COL26A1: variants seen among roughly 807,000 people sequenced by gnomAD.
COL26A1 encodes the protein collagen type XXVI alpha 1 chain.
Under a neutral mutation model 59.3 loss-of-function variants are expected in COL26A1, and 41 were observed. The observed-to-expected ratio is 0.69, with a 90% CI of 0.54 to 0.90. The LOEUF (loss-of-function observed/expected upper bound fraction) is 0.90, where lower values mean the gene tolerates loss of function less well. Among genes scored for constraint, COL26A1 ranks in the 40% least tolerant of loss-of-function variants. The pLI is 0.00. For missense variants in COL26A1, 612 were observed against 602.3 expected (o/e 1.02, Z -0.17); for synonymous variants, 266 against 256.0 (o/e 1.04, Z -0.37).
Position 101,557,497 on chromosome 7 carries a change from G to A in COL26A1, c.1293G>A (p.Gln431=). Reference sequence around the variant, plus strand: ...CCCTGCTTGGGCCCGACCCTGGACAGAAGAGCGTGGACCAGGCCAGCAGCA... The same window carrying A: ...CCCTGCTTGGGCCCGACCCTGGACAAAAGAGCGTGGACCAGGCCAGCAGCA... The part of the protein sequence containing the change: ...LAALLGPDPG[Q]KSVDQASSRK Residue 431 remains glutamine (Q), a synonymous_variant, in exon 13 of 13, where the codon CAG becomes CAA. Transcript: ENST00000313669. 6.2e-7 allele frequency: 1 copy of A among 1,613,192 alleles called. No homozygotes were observed. The highest frequency in any genetic ancestry group is 8.5e-7 in the Non-Finnish European group (1 of 1,179,456).
chr7:101,403,423 G>A (rs1004973601), intron 1 of COL26A1, among the ~76,000 whole-genome samples: 6 of 152,130 alleles, frequency 3.9e-5, no homozygotes, highest in African/African-American at 1.4e-4. Context: ...GGAGGCTGAG[G>A]CAGGAGAATC....
chr7:101,486,171 T>TAAA (rs74805128), intron 3 of COL26A1, among the ~76,000 whole-genome samples: 1 of 138,304 alleles, frequency 7.2e-6, no homozygotes. Flanking sequence ...AGACTGTCTC[T>TAAA]AAAAAAAAAA....
At chr7:101,455,929 G>A (rs965741225) in intron 3 of COL26A1, among the ~76,000 whole-genome samples, 4 of 151,554 alleles carry the variant, frequency 2.6e-5, no homozygotes, top group Non-Finnish European at 4.4e-5. Flanking sequence ...CAGGTGATCC[G>A]CCTGCCTCGG....
intron 1 of COL26A1, among the ~76,000 whole-genome samples, chr7:101,386,257 G>GTTTT (rs71106515): frequency 1.2e-4 from 14 of 117,662 alleles, no homozygotes; most frequent in African/African-American, 3.0e-4. Flanking sequence ...GTCCTAGCTT[G>GTTTT]TTTTTTTTTT....
At chr7:101,436,611 C>T (rs552857359) in intron 2 of COL26A1, among the ~76,000 whole-genome samples, 8 of 152,220 alleles carry the variant, frequency 5.3e-5, no homozygotes, top group Non-Finnish European at 8.8e-5. Context: ...GACTTCGTGA[C>T]GCTTTGGGCC....
At chr7:101,405,844 G>A (rs1011025259) in intron 1 of COL26A1, among the ~76,000 whole-genome samples, 8 of 152,298 alleles carry the variant, frequency 5.3e-5, no homozygotes, top group Middle Eastern at 3.4e-3. Flanking sequence ...CAGTGGCCCC[G>A]CCAGCCCTTC....
At chr7:101,552,117 A>T (rs1301888285) in intron 10 of COL26A1, among the ~76,000 whole-genome samples, 1 of 152,262 alleles carries the variant, frequency 6.6e-6, no homozygotes, top group Non-Finnish European at 1.5e-5. Context: ...ACCAAACACA[A>T]CACAGGAGAC....
chr7:101,427,934 G>C (rs1792686198), intron 2 of COL26A1, among the ~76,000 whole-genome samples: 1 of 152,128 alleles, frequency 6.6e-6, no homozygotes. Flanking sequence ...GCTCCTCATG[G>C]TGTGACTAAT....
intron 1 of COL26A1, among the ~76,000 whole-genome samples, chr7:101,396,063 G>A (rs1279291270): frequency 6.6e-6 from 1 of 152,102 alleles, no homozygotes; most frequent in Non-Finnish European, 1.5e-5. Context: ...TTTGAGGCCA[G>A]CCTGGGCAAC....
chr7:101,395,728 G>A (rs1791840556), intron 1 of COL26A1, among the ~76,000 whole-genome samples: 1 of 152,144 alleles, frequency 6.6e-6, no homozygotes, highest in African/African-American at 2.4e-5. Context: ...CCAGATGAGA[G>A]GGGAAAAATA....
At chr7:101,525,087 G>C (rs1795213246) in intron 3 of COL26A1, among the ~76,000 whole-genome samples, 1 of 151,606 alleles carries the variant, frequency 6.6e-6, no homozygotes, top group African/African-American at 2.4e-5. Context: ...GTGTGGCATG[G>C]CCTTTGATGC....
At chr7:101,543,024 C>T (rs1161891298) in intron 5 of COL26A1, among the ~76,000 whole-genome samples, 1 of 152,174 alleles carries the variant, frequency 6.6e-6, no homozygotes, top group East Asian at 1.9e-4. Context: ...ATGGTGACAC[C>T]TGCAGCCAAC....
intron 3 of COL26A1, among the ~76,000 whole-genome samples, chr7:101,461,934 C>T (rs1171281176): frequency 2.6e-5 from 4 of 151,670 alleles, no homozygotes; most frequent in Non-Finnish European, 4.4e-5. Flanking sequence ...TGGGTTTTGC[C>T]TCTGCTTAGC....
chr7:101,516,326 A>G (rs760769162), intron 3 of COL26A1, among the ~76,000 whole-genome samples: 3 of 152,086 alleles, frequency 2.0e-5, no homozygotes, highest in Non-Finnish European at 4.4e-5. Flanking sequence ...ACTGGAGTGC[A>G]GTGGCAATAG....
At chr7:101,467,270 G>A (rs888946354) in intron 3 of COL26A1, among the ~76,000 whole-genome samples, 4 of 151,120 alleles carry the variant, frequency 2.6e-5, no homozygotes, top group African/African-American at 7.3e-5. Flanking sequence ...TTTAATAGGT[G>A]ATAAAGAGAG....
At chr7:101,387,063 C>G (rs1225609730) in intron 1 of COL26A1, among the ~76,000 whole-genome samples, 1 of 152,130 alleles carries the variant, frequency 6.6e-6, no homozygotes, top group Non-Finnish European at 1.5e-5. Flanking sequence ...GGGTGGGTAG[C>G]TTGCAGGATG....
At chr7:101,424,787 C>G (rs144299047) in intron 2 of COL26A1, among the ~76,000 whole-genome samples, 121 of 152,252 alleles carry the variant, frequency 7.9e-4, no homozygotes, top group African/African-American at 2.7e-3. Flanking sequence ...GTTCCATATG[C>G]ATTCCTGTCT....
rs966272504 is a variant in COL26A1, at chr7:101,527,248, C to T, written c.386-5834C>T. 5.9e-5 allele frequency among the ~76,000 whole-genome samples: 9 copies of T among 152,102 alleles called. 1 individual carries two copies. Among genetic ancestry groups the T allele is most frequent in the African/African-American group, 1.2e-4 (5 of 41,422 alleles). ...GACCTCCCAAAGGGCTGGGATGACA[C>T]GCATGAGCCACCCCACCTGGCCTGC... On this transcript the variant is annotated intron_variant, in intron 3 of 12. Transcript: ENST00000313669.
chr7:101,363,202 G>A lies in COL26A1; in HGVS notation c.158+12G>A, dbSNP rs555762601. On this transcript the variant is annotated intron_variant, in intron 1 of 12. Coordinates refer to ENST00000313669, the MANE Select transcript of COL26A1 (RefSeq NM_001278563.3). ...TACGCGAGCCGCCGGTGAGTAGCTC[G>A]GGGCCGAGGGGCCGGGGGGTGGGGG... 5.6e-4 allele frequency: 808 copies of A among 1,445,094 alleles called. 7 individuals carry two copies. In the African/African-American group the frequency reaches 9.8e-3, roughly 17 times the overall value. The allele number at this position is 1,445,094 out of a possible 1,614,324, so 89.5% of individuals were successfully genotyped here.
Sources: allele counts gnomAD v4.1 joint callset (sites outside exome capture counted in the v4.1 genomes callset), GRCh38; gene constraint gnomAD v4.1.1; transcripts MANE v1.5; gene names NCBI Gene and HGNC (gene_info 2026-07-23, HGNC 2026-07-21).